Variants in RAB27A observed in about 807,000 individuals in gnomAD.
The protein encoded by RAB27A is RAB27A, member RAS oncogene family.
Under a neutral mutation model 20.8 loss-of-function variants are expected in RAB27A, and 17 were observed. The observed-to-expected ratio is 0.82, with a 90% CI of 0.56 to 1.23. The LOEUF is 1.23. Ranked by LOEUF, RAB27A falls within the 50% of genes most tolerant of loss-of-function variation. RAB27A has a pLI of 0.00. For synonymous variants in RAB27A, 85 were observed against 92.8 expected (o/e 0.92, Z 0.48); for missense variants, 277 against 266.7 (o/e 1.04, Z -0.27).
At chr15:55,270,983 A>C (rs1467762028) in intron 1 of RAB27A, 1 of 152,042 alleles carries the variant, frequency 6.6e-6, no homozygotes, top group Non-Finnish European at 1.5e-5. Context: ...TGCCCCTCCC[A>C]CTTCCAATTG....
chr15:55,210,609 AAC>A (rs1317335144), intron 6 of RAB27A, among the ~76,000 whole-genome samples: 3 of 151,972 alleles, frequency 2.0e-5, no homozygotes, highest in Non-Finnish European at 4.4e-5. Context: ...CTATTTTTAA[AAC>A]AGATTATTTG....
intron 1 of RAB27A, among the ~76,000 whole-genome samples, chr15:55,274,812 A>ATG (rs1379541527): frequency 7.4e-5 from 10 of 135,682 alleles, no homozygotes; most frequent in African/African-American, 2.4e-4. Context: ...ATATATATAT[A>ATG]TATATATATA....
At chr15:55,214,320 C>A (rs1191973994) in intron 6 of RAB27A, among the ~76,000 whole-genome samples, 1 of 152,162 alleles carries the variant, frequency 6.6e-6, no homozygotes, top group Non-Finnish European at 1.5e-5. Context: ...CCTGTAGTCC[C>A]AGCTACTCGG....
intron 2 of RAB27A, among the ~76,000 whole-genome samples, chr15:55,255,241 T>A (rs1008814406): frequency 3.3e-5 from 5 of 152,184 alleles, no homozygotes; most frequent in Non-Finnish European, 5.9e-5. Flanking sequence ...TGCAACTCTA[T>A]CCCTTCCACT....
chr15:55,238,589 G>T (rs1284076030), intron 2 of RAB27A: 6 of 152,128 alleles, frequency 3.9e-5, no homozygotes, highest in Non-Finnish European at 7.3e-5. Flanking sequence ...CATATACTGG[G>T]TACTTAACTG....
At chr15:55,249,398 C>A (rs544771630) in intron 2 of RAB27A, among the ~76,000 whole-genome samples, 1 of 152,256 alleles carries the variant, frequency 6.6e-6, no homozygotes, top group South Asian at 2.1e-4. Flanking sequence ...CCTCAGCCTC[C>A]TAAGTAGCTG....
At chr15:55,316,528 T>C (rs1167127046) in intron 1 of RAB27A, among the ~76,000 whole-genome samples, 1 of 150,870 alleles carries the variant, frequency 6.6e-6, no homozygotes, top group Non-Finnish European at 1.5e-5. Flanking sequence ...GCAAACACCA[T>C]GGCACATGTA....
intron 2 of RAB27A, among the ~76,000 whole-genome samples, chr15:55,305,500 C>CA (rs2054993003): frequency 6.6e-6 from 1 of 152,064 alleles, no homozygotes; most frequent in African/African-American, 2.4e-5. Context: ...ATACAGGGTC[C>CA]AAAGAGGAGT....
chr15:55,262,695 C>G (rs1249660612), intron 2 of RAB27A, among the ~76,000 whole-genome samples: 3 of 148,336 alleles, frequency 2.0e-5, no homozygotes, highest in African/African-American at 5.0e-5. Context: ...TGCAATGGCA[C>G]AATCACAGCT....
chr15:55,298,271 T>G (rs1295297386), intron 2 of RAB27A, among the ~76,000 whole-genome samples: 1 of 151,168 alleles, frequency 6.6e-6, no homozygotes, highest in Non-Finnish European at 1.5e-5. Flanking sequence ...GTCACATAGG[T>G]TCTTTTCTAC....
chr15:55,276,764 A>G (rs1476381060), intron 1 of RAB27A, among the ~76,000 whole-genome samples: 1 of 152,186 alleles, frequency 6.6e-6, no homozygotes, highest in Admixed American at 6.5e-5. Context: ...ATAATACTGT[A>G]TTATATACTG....
chr15:55,304,398 C>T (rs2054988813), intron 2 of RAB27A, among the ~76,000 whole-genome samples: 1 of 151,232 alleles, frequency 6.6e-6, no homozygotes, highest in South Asian at 2.1e-4. Flanking sequence ...GACCTTCCCT[C>T]CACTATTGTC....
At chr15:55,313,017 A>C (rs2055027868) in intron 2 of RAB27A, among the ~76,000 whole-genome samples, 1 of 152,242 alleles carries the variant, frequency 6.6e-6, no homozygotes, top group Admixed American at 6.5e-5. Flanking sequence ...GAATGAGAAG[A>C]CACAAACAAC....
At chr15:55,242,147 A>C (rs1896518678) in intron 2 of RAB27A, among the ~76,000 whole-genome samples, 1 of 152,174 alleles carries the variant, frequency 6.6e-6, no homozygotes, top group African/African-American at 2.4e-5. Context: ...CATTTTCCGA[A>C]AGCCAAATTT....
chr15:55,258,374 CATG>C (rs1403146731), intron 2 of RAB27A, among the ~76,000 whole-genome samples: 1 of 152,120 alleles, frequency 6.6e-6, no homozygotes, highest in Admixed American at 6.5e-5. Context: ...CAACCTTGTT[CATG>C]ATATTTGTAT....
Position 55,205,676 on chromosome 15 carries a change from T to C in RAB27A, c.497A>G (p.Asn166Ser), listed in dbSNP as rs576324438. 16 of 1,613,994 alleles carry C rather than the reference T, an allele frequency of 9.9e-6. No homozygotes were observed. Among genetic ancestry groups the C allele is most frequent in the South Asian group, 6.6e-5 (6 of 91,078 alleles). Residue 166 changes from asparagine (N) to serine (S), a missense_variant, in exon 7 of 7, where the codon AAT becomes AGT. Asn to Ser is a conservative substitution (Grantham distance 46, BLOSUM62 1). Coordinates refer to ENST00000336787, the MANE Select transcript of RAB27A (RefSeq NM_183235.3). ...AATTGCTTGGCTTATGTTTGTCCCA[T>C]TGGCAGCACTAGTTTCAAAGTAGGG... ...GIPYFETSAANGTNISQAIEM... is the reference protein window; with the variant it reads ...GIPYFETSAASGTNISQAIEM...
intron 2 of RAB27A, among the ~76,000 whole-genome samples, chr15:55,266,047 C>G (rs1347180282): frequency 6.6e-6 from 1 of 152,184 alleles, no homozygotes; most frequent in East Asian, 1.9e-4. Context: ...TCTAATGTTA[C>G]CGACTGAATG....
chr15:55,268,339 G>A (rs1306099844), intron 2 of RAB27A, among the ~76,000 whole-genome samples: 2 of 152,230 alleles, frequency 1.3e-5, no homozygotes, highest in African/African-American at 4.8e-5. Context: ...AGGATATTCT[G>A]AAGGATGCCT....
At chr15:55,290,591 C>CT (rs1898283408), upstream of RAB27A, among the ~76,000 whole-genome samples, 2 of 152,260 alleles carry the variant, frequency 1.3e-5, no homozygotes, top group South Asian at 4.1e-4. Flanking sequence ...GGAACCGCCT[C>CT]TGTCGGAAGA....
Sources: allele counts gnomAD v4.1 joint callset (sites outside exome capture counted in the v4.1 genomes callset), GRCh38; gene constraint gnomAD v4.1.1; transcripts MANE v1.5; gene names NCBI Gene and HGNC (gene_info 2026-07-23, HGNC 2026-07-21).